Variants in RARB observed in about 807,000 individuals in gnomAD.
RARB encodes retinoic acid receptor beta.
RARB carries 17 observed loss-of-function variants against 51.9 expected under a neutral mutation model. The ratio of observed to expected loss-of-function variants is 0.33; its 90% CI spans 0.22 to 0.49. The LOEUF (loss-of-function observed/expected upper bound fraction) is 0.49, where lower values mean the gene tolerates loss of function less well. Ranked by LOEUF, RARB falls within the 20% of genes least tolerant of loss-of-function variation. RARB has a pLI of 0.99. For synonymous variants in RARB, 215 were observed against 195.4 expected, an observed-to-expected ratio of 1.10 and a Z score of -0.84; for missense variants, 369 against 550.8, an observed-to-expected ratio of 0.67 and a Z score of 3.30.
chr3:25,063,031 A>G (rs181432047), intron 3 of RARB, among the ~76,000 whole-genome samples: 8 of 152,078 alleles, frequency 5.3e-5, no homozygotes, highest in African/African-American at 1.9e-4. Context: ...GGCTTTTCAG[A>G]CGAGAACTGT....
intron 5 of RARB, among the ~76,000 whole-genome samples, chr3:25,309,403 T>C (rs1186395192): frequency 1.3e-5 from 2 of 149,840 alleles, no homozygotes; most frequent in Non-Finnish European, 3.0e-5. Flanking sequence ...CTTCCCAAAG[T>C]GCTGGGATAA....
At chr3:25,274,859 C>T (rs1703341602) in intron 5 of RARB, among the ~76,000 whole-genome samples, 1 of 152,004 alleles carries the variant, frequency 6.6e-6, no homozygotes, top group Non-Finnish European at 1.5e-5. Context: ...GACATTTCTA[C>T]CCATGTTCCT....
At chr3:25,562,934 CA>C (rs1700331778) in intron 3 of RARB, among the ~76,000 whole-genome samples, 1 of 152,190 alleles carries the variant, frequency 6.6e-6, no homozygotes, top group African/African-American at 2.4e-5. Context: ...ACTTTAACCA[CA>C]AAGAAGTATT....
Position 24,921,801 on chromosome 3 carries a change from C to G in RARB, c.-380+63049C>G, listed in dbSNP as rs1267640624. ...AATACAATAATCTGTATAGAATAAT[C>G]TCTGCAATTAGCAATCCAATGCAGC... On this transcript the variant is annotated intron_variant, in intron 2 of 11. Transcript: ENST00000383772. 2.0e-5 allele frequency among the ~76,000 whole-genome samples: 3 copies of G among 152,326 alleles called. No homozygotes were observed. In the East Asian group the frequency reaches 5.8e-4, roughly 29 times the overall value.
At chr3:24,892,277 T>C (rs1207299719) in intron 2 of RARB, among the ~76,000 whole-genome samples, 2 of 151,400 alleles carry the variant, frequency 1.3e-5, no homozygotes, top group Non-Finnish European at 2.9e-5. Flanking sequence ...CCTGGTACAC[T>C]TTTAGGGAGA....
chr3:24,893,636 A>G (rs1408107076), intron 2 of RARB, among the ~76,000 whole-genome samples: 1 of 151,590 alleles, frequency 6.6e-6, no homozygotes, highest in Non-Finnish European at 1.5e-5. Context: ...TCCTGTCTCT[A>G]CCTCCTGAGT....
chr3:25,038,555 T>C (rs779781831), intron 2 of RARB, among the ~76,000 whole-genome samples: 1 of 152,142 alleles, frequency 6.6e-6, no homozygotes, highest in Non-Finnish European at 1.5e-5. Context: ...AGGAAGGTGA[T>C]GAAGTGGTGC....
intron 2 of RARB, among the ~76,000 whole-genome samples, chr3:24,930,327 C>T (rs982539192): frequency 3.9e-5 from 6 of 152,058 alleles, no homozygotes; most frequent in Middle Eastern, 3.4e-3. Flanking sequence ...CATCCAGGGG[C>T]GTAAGCTTTA....
intron 5 of RARB, among the ~76,000 whole-genome samples, chr3:25,292,330 C>T (rs1012302895): frequency 6.6e-6 from 1 of 152,136 alleles, no homozygotes; most frequent in Non-Finnish European, 1.5e-5. Flanking sequence ...TGAGCAAGTC[C>T]TCCCCGATGT....
intron 2 of RARB, among the ~76,000 whole-genome samples, chr3:24,932,024 G>C (rs1012538190): frequency 6.6e-6 from 1 of 152,058 alleles, no homozygotes; most frequent in African/African-American, 2.4e-5. Flanking sequence ...TGAATGCCAA[G>C]TTCCATCTTT....
intron 2 of RARB, among the ~76,000 whole-genome samples, chr3:25,031,295 C>T (rs1224472230): frequency 6.6e-6 from 1 of 152,228 alleles, no homozygotes; most frequent in South Asian, 2.1e-4. Flanking sequence ...TTATTTAACA[C>T]ACCTAGCCAC....
At chr3:25,487,804 T>C (rs1696544179) in intron 2 of RARB, among the ~76,000 whole-genome samples, 1 of 152,220 alleles carries the variant, frequency 6.6e-6, no homozygotes, top group Non-Finnish European at 1.5e-5. Context: ...ACGGGGTCTA[T>C]TCTAATGCTC....
chr3:25,043,800 C>A (rs542926530), intron 2 of RARB, among the ~76,000 whole-genome samples: 38 of 151,808 alleles, frequency 2.5e-4, no homozygotes, highest in African/African-American at 7.9e-4. Context: ...TAGAAAACTT[C>A]AGGACCATGG....
chr3:24,867,041 GA>G (rs1298392598), intron 2 of RARB, among the ~76,000 whole-genome samples: 1 of 152,088 alleles, frequency 6.6e-6, no homozygotes, highest in African/African-American at 2.4e-5. Flanking sequence ...CAAAAAACGT[GA>G]AAAGGCATCT....
At chr3:24,934,092 T>A (rs1210971616) in intron 2 of RARB, among the ~76,000 whole-genome samples, 1 of 152,116 alleles carries the variant, frequency 6.6e-6, no homozygotes, top group Non-Finnish European at 1.5e-5. Context: ...ATAACAGAGC[T>A]TTTCCAATTG....
chr3:25,433,385 T>A (rs1482033144), intron 1 of RARB, among the ~76,000 whole-genome samples: 3 of 152,236 alleles, frequency 2.0e-5, no homozygotes, highest in Non-Finnish European at 4.4e-5. Context: ...GAAGATCGCC[T>A]TGTGTTTCTG....
chr3:25,245,539 A>AT (rs1323324744), intron 5 of RARB, among the ~76,000 whole-genome samples: 12 of 152,072 alleles, frequency 7.9e-5, no homozygotes, highest in Admixed American at 7.9e-4. Flanking sequence ...TCTGTAAAGG[A>AT]TTTAGTTCTT....
At chr3:25,485,154 G>C (rs1035106712) in intron 2 of RARB, among the ~76,000 whole-genome samples, 4 of 152,154 alleles carry the variant, frequency 2.6e-5, no homozygotes, top group Non-Finnish European at 5.9e-5. Context: ...TATTCTATTT[G>C]TGTTAACAAT....
intron 2 of RARB, among the ~76,000 whole-genome samples, chr3:25,468,591 C>T (rs1420923262): frequency 1.3e-5 from 2 of 152,054 alleles, no homozygotes; most frequent in Non-Finnish European, 2.9e-5. Context: ...CACACTTAGA[C>T]AGAAGGTCTG....
Sources: gnomAD v4.1 joint callset for allele counts (sites outside exome capture counted in the v4.1 genomes callset) on GRCh38, gnomAD v4.1.1 for gene constraint, MANE v1.5 for transcripts, NCBI Gene and HGNC (gene_info 2026-07-23, HGNC 2026-07-21) for gene names.